The following NKAIN2 variants were observed in gnomAD, a reference collection of about 807,000 sequenced individuals.
The protein encoded by NKAIN2 is sodium/potassium transporting ATPase interacting 2, also known as sodium/potassium-transporting ATPase subunit beta-1-interacting protein 2.
NKAIN2 carries 14 observed loss-of-function variants against 32.6 expected under a neutral mutation model. That is an observed-to-expected ratio of 0.43 (90% CI 0.28 to 0.67). NKAIN2 has a LOEUF of 0.67. Among genes scored for constraint, NKAIN2 ranks in the 30% least tolerant of loss-of-function variants. NKAIN2 has a pLI of 0.17. For missense variants in NKAIN2, 198 were observed against 258.3 expected, an observed-to-expected ratio of 0.77 and a Z score of 1.60; for synonymous variants, 80 against 87.2, an observed-to-expected ratio of 0.92 and a Z score of 0.46.
chr6:124,812,247 A>G (rs1160718174), intron 5 of NKAIN2, among the ~76,000 whole-genome samples: 1 of 152,162 alleles, frequency 6.6e-6, no homozygotes, highest in African/African-American at 2.4e-5. Context: ...GTCTATAAAA[A>G]GTCTTCTCTT....
intron 1 of NKAIN2, among the ~76,000 whole-genome samples, chr6:124,161,905 T>G (rs2114452250): frequency 6.6e-6 from 1 of 152,234 alleles, no homozygotes. Flanking sequence ...CATATACTCA[T>G]GTAACAAACC....
At chr6:124,397,148 C>T (rs1290833781) in intron 3 of NKAIN2, among the ~76,000 whole-genome samples, 2 of 151,750 alleles carry the variant, frequency 1.3e-5, no homozygotes, top group Non-Finnish European at 2.9e-5. Context: ...ACTCTAAATA[C>T]ACATAATAAA....
At chr6:124,459,799 C>A (rs551783992) in intron 3 of NKAIN2, among the ~76,000 whole-genome samples, 7 of 151,754 alleles carry the variant, frequency 4.6e-5, no homozygotes, top group South Asian at 2.1e-4. Flanking sequence ...TTCTATAAAT[C>A]CTGTTTAGAT....
intron 4 of NKAIN2, among the ~76,000 whole-genome samples, chr6:124,719,726 CAA>C (rs11343989): frequency 7.1e-4 from 103 of 144,946 alleles, no homozygotes; most frequent in Middle Eastern, 3.7e-3. Flanking sequence ...CCCTGCTAAT[CAA>C]AAAAAAAAAA....
In NKAIN2 at chr6:123,973,944, C is replaced by T. The variant is rs555146491; in HGVS notation, c.54+169690C>T. Among the ~76,000 whole-genome samples the T allele has an allele frequency of 6.4e-4, 97 of 151,962 alleles. 1 individual carries two copies. Among genetic ancestry groups the T allele is most frequent in the African/African-American group, 2.3e-3 (94 of 41,448 alleles). ...ATGGAAGGAGAATTATCCTAATAATCGATTATGAAAGAAAAATACTCCTCT... is the reference window on the plus strand; with the variant it reads ...ATGGAAGGAGAATTATCCTAATAATTGATTATGAAAGAAAAATACTCCTCT... On this transcript the variant is annotated intron_variant, in intron 1 of 6. Transcript: ENST00000368417.
chr6:123,803,969 G>A lies in NKAIN2; in HGVS notation c.-232G>A, dbSNP rs1261959810. Among the ~76,000 whole-genome samples the A allele has an allele frequency of 6.6e-6, 1 of 151,056 alleles. No individual in the cohort carries two copies. Among genetic ancestry groups the A allele is most frequent in the South Asian group, 2.1e-4 (1 of 4,826 alleles). ...CTGCCCGCGGCGCGGCGTGTGCACC[G>A]AGCGAGTGAAGGTATGTGTGGCGGG... On this transcript the variant is annotated 5_prime_UTR_variant, in exon 1 of 7. Coordinates refer to ENST00000368417, the MANE Select transcript of NKAIN2 (RefSeq NM_001040214.3).
chr6:124,743,784 T>C (rs1777333678), intron 4 of NKAIN2, among the ~76,000 whole-genome samples: 1 of 151,852 alleles, frequency 6.6e-6, no homozygotes, highest in Non-Finnish European at 1.5e-5. Context: ...GTTATCAAGG[T>C]TTACTATTTG....
intron 4 of NKAIN2, among the ~76,000 whole-genome samples, chr6:124,721,492 T>G (rs1367515600): frequency 6.6e-6 from 1 of 152,094 alleles, no homozygotes; most frequent in Non-Finnish European, 1.5e-5. Flanking sequence ...GAGTGTACAC[T>G]GAAGGATTCA....
At chr6:123,995,178 C>G (rs1323949340) in intron 1 of NKAIN2, among the ~76,000 whole-genome samples, 1 of 152,070 alleles carries the variant, frequency 6.6e-6, no homozygotes, top group African/African-American at 2.4e-5. Flanking sequence ...TTACAATATA[C>G]TGGGGGAGAT....
At chr6:124,158,242 G>C (rs1483169521) in intron 1 of NKAIN2, among the ~76,000 whole-genome samples, 2 of 151,854 alleles carry the variant, frequency 1.3e-5, no homozygotes, top group African/African-American at 4.8e-5. Context: ...CCCTGGTGTC[G>C]CTGTGTGTCC....
At chr6:124,247,504 A>G (rs909581574) in intron 1 of NKAIN2, among the ~76,000 whole-genome samples, 6 of 152,244 alleles carry the variant, frequency 3.9e-5, no homozygotes, top group South Asian at 4.1e-4. Flanking sequence ...CCTCAGATCT[A>G]TATGATATTG....
At chr6:124,031,453 T>A (rs1421919154) in intron 1 of NKAIN2, among the ~76,000 whole-genome samples, 2 of 152,180 alleles carry the variant, frequency 1.3e-5, no homozygotes, top group African/African-American at 2.4e-5. Flanking sequence ...TTCTGTTAGC[T>A]TTTGAATGTG....
chr6:123,844,135 T>A (rs58387320), intron 1 of NKAIN2, among the ~76,000 whole-genome samples: 15,409 of 152,116 alleles, frequency 0.1, 1,192 homozygotes, highest in African/African-American at 0.22. Context: ...GCTTTGGTTC[T>A]CCTTTAATTC....
chr6:123,909,698 G>A (rs1173485197), intron 1 of NKAIN2, among the ~76,000 whole-genome samples: 1 of 152,084 alleles, frequency 6.6e-6, no homozygotes, highest in Non-Finnish European at 1.5e-5. Flanking sequence ...CTAATCTAGG[G>A]CCTCTTTATG....
chr6:124,177,401 G>T (rs947931327), intron 1 of NKAIN2, among the ~76,000 whole-genome samples: 1 of 152,114 alleles, frequency 6.6e-6, no homozygotes, highest in Non-Finnish European at 1.5e-5. Context: ...GTATAATCCT[G>T]TGACATTTCT....
At chr6:124,601,954 CTTTTT>C (rs1214952964) in intron 3 of NKAIN2, among the ~76,000 whole-genome samples, 3 of 151,858 alleles carry the variant, frequency 2.0e-5, no homozygotes, top group Admixed American at 6.6e-5. Context: ...TTTTTCTTTT[CTTTTT>C]TAAGTGTACA....
chr6:124,137,682 A>C, intron 1 of NKAIN2, among the ~76,000 whole-genome samples: 1 of 152,284 alleles, frequency 6.6e-6, no homozygotes, highest in Admixed American at 6.5e-5. Flanking sequence ...CTAACGGAAT[A>C]TAATAGAAAA....
chr6:124,279,254 TC>T (rs1795183171), intron 1 of NKAIN2, among the ~76,000 whole-genome samples: 1 of 152,092 alleles, frequency 6.6e-6, no homozygotes, highest in African/African-American at 2.4e-5. Context: ...ACACCTGTAC[TC>T]TCAGCACTTT....
intron 1 of NKAIN2, among the ~76,000 whole-genome samples, chr6:123,813,870 G>A (rs201233686): frequency 7.0e-5 from 10 of 142,098 alleles, no homozygotes; most frequent in African/African-American, 1.0e-4. Context: ...TTTTTTTTTC[G>A]TCTTTTTTTC....
Sources: allele counts gnomAD v4.1 joint callset (sites outside exome capture counted in the v4.1 genomes callset), GRCh38; gene constraint gnomAD v4.1.1; transcripts MANE v1.5; gene names NCBI Gene and HGNC (gene_info 2026-07-23, HGNC 2026-07-21).